The following BCAS3 variants were observed in gnomAD, a reference collection of about 807,000 sequenced individuals.
BCAS3 encodes BCAS3 microtubule associated cell migration factor.
Under a neutral mutation model 116.1 loss-of-function variants are expected in BCAS3, and 53 were observed. The ratio of observed to expected loss-of-function variants is 0.46; its 90% CI spans 0.37 to 0.57. The LOEUF (loss-of-function observed/expected upper bound fraction) is 0.57, where lower values mean the gene tolerates loss of function less well. Ranked by LOEUF, BCAS3 falls within the 20% of genes least tolerant of loss-of-function variation. The probability of loss-of-function intolerance (pLI) is 0.00; values close to 1 mark genes in which losing one functional copy is unlikely to be tolerated. For synonymous variants in BCAS3, 391 were observed against 408.2 expected, an observed-to-expected ratio of 0.96 and a Z score of 0.51; for missense variants, 917 against 1,165.4, an observed-to-expected ratio of 0.79 and a Z score of 3.10.
Position 61,063,628 on chromosome 17 carries a change from A to G in BCAS3, c.2030-11292A>G, listed in dbSNP as rs544604588. Among the ~76,000 whole-genome samples the G allele has an allele frequency of 1.2e-4, 19 of 152,236 alleles. No individual in the cohort carries two copies. The highest frequency in any genetic ancestry group is 3.9e-4 in the African/African-American group (16 of 41,556). On this transcript the variant is annotated intron_variant, in intron 19 of 23. Transcript: ENST00000407086. The surrounding 1 kb of genome is among the most constrained non-coding windows in gnomAD (Gnocchi z 5.3). The stretch of plus-strand genomic sequence containing the variant: ...TTGTTTCCACTTGATTAAAATTTCC[A>G]TTGAAAGCTTTGCTGTAGTCTGCAG...
At chr17:60,832,117 G>A (rs557670297) in intron 7 of BCAS3, among the ~76,000 whole-genome samples, 403 of 152,250 alleles carry the variant, frequency 2.6e-3, no homozygotes, top group African/African-American at 8.8e-3. Flanking sequence ...AATTGGTGCC[G>A]TTTTAAATTA....
chr17:61,255,591 AT>A (rs2048717105), intron 22 of BCAS3, among the ~76,000 whole-genome samples: 1 of 152,212 alleles, frequency 6.6e-6, no homozygotes, highest in South Asian at 2.1e-4. Flanking sequence ...TAGTGCTGAA[AT>A]CAGAGTAGAC....
chr17:60,943,005 CATAG>C (rs1426690710), intron 13 of BCAS3, among the ~76,000 whole-genome samples: 3 of 151,722 alleles, frequency 2.0e-5, no homozygotes, highest in African/African-American at 7.3e-5. Flanking sequence ...CTCAAAAGTC[CATAG>C]ATAAATTATT....
In BCAS3 at chr17:61,028,221, TTTG is replaced by T. The variant is rs1373185653; in HGVS notation, c.1638-6442_1638-6440del. Among the ~76,000 whole-genome samples, 2 of 151,818 alleles carry T rather than the reference TTTG, an allele frequency of 1.3e-5. No homozygotes were observed. Among genetic ancestry groups the T allele is most frequent in the Non-Finnish European group, 3.0e-5 (2 of 67,778 alleles). ...ATATGCCATAGGAAGATCTGAAAAT[TTTG>T]TTATTGCTTAATAATAGGTGACATA... On this transcript the variant is annotated intron_variant, in intron 16 of 23. Transcript: ENST00000407086. This position sits in a 1 kb window ranked among gnomAD's most constrained non-coding sequence, Gnocchi z 4.3.
chr17:61,140,062 C>A lies in BCAS3; in HGVS notation c.2425+55498C>A, dbSNP rs1392320190. On this transcript the variant is annotated intron_variant, in intron 22 of 23. Transcript: ENST00000407086. This position sits in a 1 kb window ranked among gnomAD's most constrained non-coding sequence, Gnocchi z 4.2. ...GTCAGACTGGCCAATATAGTGAAAC[C>A]CCATCTCTACTAAAAATACAAAAAA... Among the ~76,000 whole-genome samples, 1 of 152,040 alleles carries A rather than the reference C, an allele frequency of 6.6e-6. No individual in the cohort carries two copies. The highest frequency in any genetic ancestry group is 2.1e-4 in the South Asian group (1 of 4,826).
chr17:61,086,919 G>A (rs1248891256), intron 22 of BCAS3: 16 of 985,188 alleles, frequency 1.6e-5, no homozygotes, highest in East Asian at 1.1e-4. Context: ...ATGTTTTGTC[G>A]TGGAATGTCC....
chr17:61,344,693 C>A lies in BCAS3; in HGVS notation c.2426-23634C>A, dbSNP rs1043512595. 6.6e-6 allele frequency among the ~76,000 whole-genome samples: 1 copy of A among 151,826 alleles called. No individual in the cohort carries two copies. Among genetic ancestry groups the A allele is most frequent in the African/African-American group, 2.4e-5 (1 of 41,302 alleles). On this transcript the variant is annotated intron_variant, in intron 22 of 23. Coordinates refer to ENST00000407086, the MANE Select transcript of BCAS3 (RefSeq NM_017679.5). The surrounding 1 kb of genome is among the most constrained non-coding windows in gnomAD (Gnocchi z 4.1). ...AGCTGCAGTTGAGGGATGAGCAAGG[C>A]GAAGATGTAAAGGCCCTGGGGTGAA...
intron 5 of BCAS3, chr17:60,727,538 C>T: frequency 7.8e-7 from 1 of 1,274,566 alleles, no homozygotes; most frequent in Non-Finnish European, 1.1e-6. Context: ...GCATCTGAGA[C>T]TCTCGCCTCG....
chr17:60,765,013 C>G (rs1018312390), intron 6 of BCAS3, among the ~76,000 whole-genome samples: 41 of 152,104 alleles, frequency 2.7e-4, no homozygotes, highest in Non-Finnish European at 3.2e-4. Flanking sequence ...GGATTGCAAC[C>G]CCTGCTTTTT....
At chr17:61,172,605 C>G (rs1050469119) in intron 22 of BCAS3, among the ~76,000 whole-genome samples, 4 of 151,966 alleles carry the variant, frequency 2.6e-5, no homozygotes, top group Non-Finnish European at 5.9e-5. Context: ...CCACTGCACT[C>G]CAGCCTGGGC....
chr17:61,040,478 T>G (rs1458966412), intron 18 of BCAS3, among the ~76,000 whole-genome samples: 1 of 152,218 alleles, frequency 6.6e-6, no homozygotes, highest in Non-Finnish European at 1.5e-5. Flanking sequence ...TTAGAACTAG[T>G]TAGTTGTAAC....
intron 16 of BCAS3, among the ~76,000 whole-genome samples, chr17:61,024,001 T>TA (rs377552892): frequency 1.3e-5 from 2 of 152,320 alleles, no homozygotes; most frequent in African/African-American, 4.8e-5. Flanking sequence ...TTTCATTCAG[T>TA]ATACACTCCC....
At chr17:60,997,912 G>A (rs1568075233) in intron 15 of BCAS3, among the ~76,000 whole-genome samples, 1 of 152,152 alleles carries the variant, frequency 6.6e-6, no homozygotes, top group Admixed American at 6.5e-5. Context: ...TATATTGCAT[G>A]ATGCTGAGGT....
intron 22 of BCAS3, among the ~76,000 whole-genome samples, chr17:61,146,765 G>A (rs1326092157): frequency 6.6e-6 from 1 of 152,130 alleles, no homozygotes; most frequent in Non-Finnish European, 1.5e-5. Flanking sequence ...TGACTTTGCT[G>A]AATTGAGGTT....
In BCAS3 at chr17:61,029,926, A is replaced by AAGAT. The variant is rs1376585243; in HGVS notation, c.1638-4740_1638-4739insAGAT. ...GAATTTATTCTTACCTGCCACATTT[A>AAGAT]CACAAATCTGTTAGACCTTTAAGAA... On this transcript the variant is annotated intron_variant, in intron 16 of 23. Transcript: ENST00000407086. The surrounding 1 kb of genome is among the most constrained non-coding windows in gnomAD (Gnocchi z 5.2). Among the ~76,000 whole-genome samples the AAGAT allele has an allele frequency of 8.6e-5, 13 of 152,020 alleles. No individual in the cohort carries two copies. Among genetic ancestry groups the AAGAT allele is most frequent in the Non-Finnish European group, 1.5e-4 (10 of 67,922 alleles).
At chr17:60,811,683 T>C (rs2048839214) in intron 7 of BCAS3, among the ~76,000 whole-genome samples, 1 of 152,156 alleles carries the variant, frequency 6.6e-6, no homozygotes, top group Admixed American at 6.5e-5. Context: ...ATAGATAATC[T>C]CAACAAGGAG....
chr17:61,112,875 A>C (rs2143749098), intron 22 of BCAS3, among the ~76,000 whole-genome samples: 2 of 151,782 alleles, frequency 1.3e-5, no homozygotes, highest in South Asian at 4.2e-4. Flanking sequence ...AACAGAGATT[A>C]TAGCAAACTA....
chr17:60,699,178 G>T (rs537696648), intron 4 of BCAS3, among the ~76,000 whole-genome samples: 6 of 152,094 alleles, frequency 3.9e-5, no homozygotes, highest in Non-Finnish European at 5.9e-5. Flanking sequence ...AAAGCACATA[G>T]AAACTTATAA....
chr17:61,036,480 C>G (rs565991983), intron 17 of BCAS3: 2 of 152,112 alleles, frequency 1.3e-5, no homozygotes, highest in African/African-American at 4.8e-5. Context: ...ATGATGCTAT[C>G]GAAAGGACTT....
Sources: allele counts gnomAD v4.1 joint callset (sites outside exome capture counted in the v4.1 genomes callset), GRCh38; gene constraint gnomAD v4.1.1; non-coding constraint Gnocchi (gnomAD v3.1); transcripts MANE v1.5; gene names NCBI Gene and HGNC (gene_info 2026-07-23, HGNC 2026-07-21).